Variants in ZSCAN25 observed in about 807,000 individuals in gnomAD.
ZSCAN25 encodes zinc finger and SCAN domain-containing protein 25.
ZSCAN25 carries 27 observed loss-of-function variants against 38.7 expected under a neutral mutation model. The ratio of observed to expected loss-of-function variants is 0.70; its 90% CI spans 0.51 to 0.96. The LOEUF (loss-of-function observed/expected upper bound fraction) is 0.96. Ranked by LOEUF, ZSCAN25 falls within the 40% of genes least tolerant of loss-of-function variation. The pLI is 0.00. For synonymous variants in ZSCAN25, 273 were observed against 277.7 expected, an observed-to-expected ratio of 0.98 and a Z score of 0.17; for missense variants, 637 against 705.9, an observed-to-expected ratio of 0.90 and a Z score of 1.11.
downstream of ZSCAN25, among the ~76,000 whole-genome samples, chr7:99,632,986 G>GTTGTTGTTTTTTTTTTTTTTTTTTTTTT (rs1808107818): frequency 6.4e-5 from 9 of 141,482 alleles, no homozygotes; most frequent in African/African-American, 2.2e-4. Flanking sequence ...TGCATTTTCT[G>GTTGTTGTTTTTTTTTTTTTTTTTTTTTT]TTGTTTTTTT....
chr7:99,664,216 A>C, the ZSCAN25 span: 1 of 894,902 alleles, frequency 1.1e-6, no homozygotes, highest in Non-Finnish European at 1.7e-6. Context: ...ACTGGAACCC[A>C]TTCCTTTTAT....
At chr7:99,648,517 T>A in the ZSCAN25 span, 1 of 680,720 alleles carries the variant, frequency 1.5e-6, no homozygotes, top group Non-Finnish European at 2.4e-6. Context: ...AAACGACTCT[T>A]AACACCATGT....
chr7:99,673,229 C>T, the ZSCAN25 span, among the ~76,000 whole-genome samples: 2 of 152,142 alleles, frequency 1.3e-5, no homozygotes, highest in African/African-American at 4.8e-5. Context: ...ACTCCACAGT[C>T]AGCGCTGTGG....
the ZSCAN25 span, among the ~76,000 whole-genome samples, chr7:99,646,672 A>T: frequency 6.6e-6 from 1 of 152,076 alleles, no homozygotes; most frequent in African/African-American, 2.4e-5. Context: ...TTCTCTAACG[A>T]GCTCTGGTTC....
chr7:99,671,663 G>T, the ZSCAN25 span: 2 of 597,820 alleles, frequency 3.3e-6, no homozygotes, highest in East Asian at 5.6e-5. Context: ...GTAGGAAGGA[G>T]GGCTAAGCAA....
chr7:99,679,523 G>A, the ZSCAN25 span, among the ~76,000 whole-genome samples: 2 of 152,110 alleles, frequency 1.3e-5, no homozygotes, highest in African/African-American at 4.8e-5. Context: ...GTAATCTGCC[G>A]CTGCCATGTT....
the ZSCAN25 span, chr7:99,699,907 C>G: frequency 8.6e-7 from 1 of 1,159,490 alleles, no homozygotes; most frequent in Non-Finnish European, 1.3e-6. Flanking sequence ...GAACAGGGGC[C>G]TGAGTAGCAC....
At chr7:99,726,729 G>T in the ZSCAN25 span, among the ~76,000 whole-genome samples, 1 of 152,090 alleles carries the variant, frequency 6.6e-6, no homozygotes, top group Non-Finnish European at 1.5e-5. Context: ...ATATATTGAT[G>T]ACCTTCTACT....
the ZSCAN25 span, among the ~76,000 whole-genome samples, chr7:99,678,257 C>G: frequency 6.6e-6 from 1 of 152,212 alleles, no homozygotes; most frequent in Non-Finnish European, 1.5e-5. Flanking sequence ...AGATGCCAAC[C>G]TGTTTGCCCT....
Position 99,629,720 on chromosome 7 carries a change from C to T in ZSCAN25, c.1335C>T (p.His445=). Residue 445 remains histidine, a synonymous_variant, in exon 8 of 8, where the codon CAC becomes CAT. Transcript: ENST00000394152. This position sits in a 1 kb window ranked among gnomAD's most constrained non-coding sequence, Gnocchi z 5.6. ...GGAAGAGCTTCAGCCGCAGGCAGCACCTGCAGGTGCACCGGAGGACGCACA... is the reference window on the plus strand; with the variant it reads ...GGAAGAGCTTCAGCCGCAGGCAGCATCTGCAGGTGCACCGGAGGACGCACA... The part of the protein sequence containing the change: ...DCWKSFSRRQ[H]LQVHRRTHTG... The T allele has an allele frequency of 6.2e-7, 1 of 1,614,140 alleles. No individual in the cohort carries two copies.
the ZSCAN25 span, among the ~76,000 whole-genome samples, chr7:99,719,235 C>G: frequency 1.3e-4 from 20 of 152,214 alleles, no homozygotes; most frequent in Admixed American, 1.2e-3. Context: ...GGAAGAATCA[C>G]TCTACATGAT....
the ZSCAN25 span, chr7:99,671,115 ATT>A: frequency 8.7e-6 from 1 of 115,544 alleles, no homozygotes; most frequent in East Asian, 2.6e-4. Context: ...TACACAGACC[ATT>A]TGTGTGTGTG....
the ZSCAN25 span, among the ~76,000 whole-genome samples, chr7:99,736,054 G>A: frequency 6.6e-6 from 1 of 152,210 alleles, no homozygotes; most frequent in Non-Finnish European, 1.5e-5. Flanking sequence ...AAGAGACATG[G>A]CATGGATGAG....
the ZSCAN25 span, chr7:99,674,592 G>A: frequency 6.2e-7 from 1 of 1,611,672 alleles, no homozygotes; most frequent in Non-Finnish European, 8.5e-7. Flanking sequence ...GACCCTGGGA[G>A]AGGAAACAAA....
chr7:99,707,721 G>T, the ZSCAN25 span: 1 of 1,568,628 alleles, frequency 6.4e-7, no homozygotes, highest in South Asian at 1.1e-5. Context: ...ATTATTAAAA[G>T]ATTAAGTGAG....
the ZSCAN25 span, among the ~76,000 whole-genome samples, chr7:99,653,073 GA>G: frequency 6.6e-6 from 1 of 152,140 alleles, no homozygotes; most frequent in Non-Finnish European, 1.5e-5. The surrounding 1 kb of genome is among the most constrained non-coding windows in gnomAD (Gnocchi z 4.2). Flanking sequence ...GAAGAAATGT[GA>G]TTAATGGGGC....
At chr7:99,664,011 G>C in the ZSCAN25 span, 1 of 1,598,096 alleles carries the variant, frequency 6.3e-7, no homozygotes. Context: ...TCTGTTTACA[G>C]ATTTACTTAA....
chr7:99,652,701 C>A, the ZSCAN25 span: 4 of 1,614,140 alleles, frequency 2.5e-6, no homozygotes, highest in Non-Finnish European at 3.4e-6. Flanking sequence ...CTAATAGCAA[C>A]TGGGAATAAT....
At chr7:99,640,882 C>T in the ZSCAN25 span, among the ~76,000 whole-genome samples, 10 of 152,118 alleles carry the variant, frequency 6.6e-5, no homozygotes, top group Non-Finnish European at 8.8e-5. Context: ...AGAAGCAGAG[C>T]GACTTGGGAG....
Sources: allele counts gnomAD v4.1 joint callset (sites outside exome capture counted in the v4.1 genomes callset), GRCh38; gene constraint gnomAD v4.1.1; non-coding constraint Gnocchi (gnomAD v3.1); transcripts MANE v1.5; gene names NCBI Gene and HGNC (gene_info 2026-07-23, HGNC 2026-07-21).